NEGR1: variants seen among roughly 807,000 people sequenced by gnomAD.
NEGR1 encodes IgLON family member 4.
Under a neutral mutation model 40.9 loss-of-function variants are expected in NEGR1, and 10 were observed. The ratio of observed to expected loss-of-function variants is 0.24; its 90% confidence interval spans 0.15 to 0.42. The LOEUF (loss-of-function observed/expected upper bound fraction) is 0.42. Among genes scored for constraint, NEGR1 ranks in the 10% least tolerant of loss-of-function variants. The probability of loss-of-function intolerance (pLI) is 1.00; values close to 1 mark genes in which losing one functional copy is unlikely to be tolerated. For synonymous variants in NEGR1, 185 were observed against 166.8 expected, an observed-to-expected ratio of 1.11 and a Z score of -0.84; for missense variants, 352 against 438.9, an observed-to-expected ratio of 0.80 and a Z score of 1.77.
chr1:72,157,017 C>G (rs935886025), intron 1 of NEGR1, among the ~76,000 whole-genome samples: 2 of 151,978 alleles, frequency 1.3e-5, no homozygotes, highest in African/African-American at 4.8e-5. Context: ...GGCTGGAAGG[C>G]AGTGGTACAA....
At chr1:71,725,369 C>A (rs1051044079) in intron 3 of NEGR1, among the ~76,000 whole-genome samples, 13 of 152,022 alleles carry the variant, frequency 8.6e-5, no homozygotes, top group African/African-American at 3.1e-4. Context: ...GAACCCACAC[C>A]TTGATCCGTC....
At chr1:72,046,432 A>G (rs1226926570) in intron 1 of NEGR1, among the ~76,000 whole-genome samples, 4 of 151,626 alleles carry the variant, frequency 2.6e-5, no homozygotes, top group Non-Finnish European at 4.4e-5. Flanking sequence ...TGAGACCTCT[A>G]TTCAATTCAA....
At chr1:71,895,920 C>T (rs150907797) in intron 2 of NEGR1, among the ~76,000 whole-genome samples, 11 of 152,144 alleles carry the variant, frequency 7.2e-5, no homozygotes, top group East Asian at 5.8e-4. Flanking sequence ...CCAGTTTCTC[C>T]GCCTTTTTGC....
chr1:71,942,974 ATAAG>A (rs1365671863), intron 1 of NEGR1, among the ~76,000 whole-genome samples: 3 of 142,864 alleles, frequency 2.1e-5, no homozygotes, highest in Non-Finnish European at 4.6e-5. Flanking sequence ...ATATATATAT[ATAAG>A]TATATATGTG....
intron 1 of NEGR1, among the ~76,000 whole-genome samples, chr1:72,261,321 AATTCTGTCACATT>A (rs935907457): frequency 2.0e-5 from 3 of 152,128 alleles, no homozygotes; most frequent in Non-Finnish European, 4.4e-5. Context: ...AAATATTTTC[AATTCTGTCACATT>A]TTAAAATAGA....
At chr1:71,768,752 T>G (rs1031795337) in intron 3 of NEGR1, among the ~76,000 whole-genome samples, 2 of 152,318 alleles carry the variant, frequency 1.3e-5, no homozygotes, top group South Asian at 4.1e-4. Flanking sequence ...TCAAGTCTCA[T>G]GTGAATTGTA....
intron 2 of NEGR1, among the ~76,000 whole-genome samples, chr1:71,799,206 C>G (rs183095213): frequency 9.2e-5 from 14 of 152,160 alleles, no homozygotes; most frequent in Non-Finnish European, 2.1e-4. Context: ...CACTCCACCC[C>G]CTGACAGGCC....
At chr1:71,583,971 A>G (rs1187195194) in intron 6 of NEGR1, among the ~76,000 whole-genome samples, 1 of 152,214 alleles carries the variant, frequency 6.6e-6, no homozygotes, top group African/African-American at 2.4e-5. Flanking sequence ...CATTTCTTTA[A>G]AACTGTTGAA....
chr1:72,212,894 C>G (rs1017168425), intron 1 of NEGR1, among the ~76,000 whole-genome samples: 4 of 151,734 alleles, frequency 2.6e-5, no homozygotes, highest in African/African-American at 9.7e-5. Flanking sequence ...CAGGAGATCA[C>G]CCTATGTGTC....
At chr1:71,970,720 A>G (rs1016126) in intron 1 of NEGR1, among the ~76,000 whole-genome samples, 83,953 of 151,938 alleles carry the variant, frequency 0.55, 24,832 homozygotes, top group African/African-American at 0.75. Context: ...CTTAAATAAT[A>G]CTGCTCTATG....
intron 1 of NEGR1, among the ~76,000 whole-genome samples, chr1:72,146,324 G>A (rs1650907110): frequency 6.6e-6 from 1 of 152,150 alleles, no homozygotes; most frequent in Non-Finnish European, 1.5e-5. Flanking sequence ...TGATGCTGCT[G>A]TGCTGCTCCA....
intron 3 of NEGR1, among the ~76,000 whole-genome samples, chr1:71,750,154 C>T (rs947731558): frequency 1.1e-4 from 17 of 152,008 alleles, no homozygotes; most frequent in South Asian, 6.2e-4. Context: ...CCACCGCGCC[C>T]GGCTAATTTT....
intron 6 of NEGR1, among the ~76,000 whole-genome samples, chr1:71,423,824 C>T (rs989429107): frequency 6.8e-6 from 1 of 146,526 alleles, no homozygotes; most frequent in Admixed American, 6.8e-5. Context: ...TCCTCACCCA[C>T]CCCCCCTTTT....
chr1:71,673,346 A>G (rs1164785070), intron 4 of NEGR1, among the ~76,000 whole-genome samples: 1 of 152,194 alleles, frequency 6.6e-6, no homozygotes, highest in Non-Finnish European at 1.5e-5. Flanking sequence ...GAGTCCATAT[A>G]TATTATCCTT....
At chr1:72,275,561 A>C (rs1656019582) in intron 1 of NEGR1, among the ~76,000 whole-genome samples, 1 of 152,138 alleles carries the variant, frequency 6.6e-6, no homozygotes, top group Non-Finnish European at 1.5e-5. Context: ...CTTCCAGAGA[A>C]ATGTAATGAA....
intron 1 of NEGR1, among the ~76,000 whole-genome samples, chr1:72,200,443 C>T (rs890744353): frequency 6.6e-6 from 1 of 151,954 alleles, no homozygotes; most frequent in Admixed American, 6.6e-5. Context: ...CATGTTCTCA[C>T]TTACAGGTGG....
intron 2 of NEGR1, among the ~76,000 whole-genome samples, chr1:71,808,284 A>T (rs1657854074): frequency 6.6e-6 from 1 of 152,238 alleles, no homozygotes; most frequent in African/African-American, 2.4e-5. Flanking sequence ...CTATCACTTT[A>T]AATTCTTCAG....
Position 71,616,855 on chromosome 1 carries a change from C to G in NEGR1, c.668-5709G>C, listed in dbSNP as rs572180647. Among the ~76,000 whole-genome samples the G allele has an allele frequency of 5.9e-5, 9 of 152,228 alleles. 1 individual carries two copies. The South Asian group carries it at 1.9e-3, about 32-fold the overall frequency. On this transcript the variant is annotated intron_variant, in intron 4 of 6. Transcript: ENST00000357731. Reference sequence around the variant, plus strand: ...GACCCAACAACTCTAAGACTGCCAACAAAAGAAAGCTGCATTTAAAAGAAA... The same window carrying G: ...GACCCAACAACTCTAAGACTGCCAAGAAAAGAAAGCTGCATTTAAAAGAAA...
chr1:71,947,288 T>A (rs2100264547), intron 1 of NEGR1, among the ~76,000 whole-genome samples: 1 of 151,958 alleles, frequency 6.6e-6, no homozygotes, highest in East Asian at 1.9e-4. Flanking sequence ...CAAAACTTTT[T>A]ACTTACAGGA....
Sources: gnomAD v4.1 joint callset for allele counts (sites outside exome capture counted in the v4.1 genomes callset) on GRCh38, gnomAD v4.1.1 for gene constraint, MANE v1.5 for transcripts, NCBI Gene and HGNC (gene_info 2026-07-23, HGNC 2026-07-21) for gene names.